Variants in SLITRK3 observed in about 807,000 individuals in gnomAD.
The protein encoded by SLITRK3 is SLIT and NTRK like family member 3.
A neutral mutation model predicts 63.6 loss-of-function variants in SLITRK3; 16 were observed. The ratio of observed to expected loss-of-function variants is 0.25; its 90% CI spans 0.17 to 0.38. The LOEUF (loss-of-function observed/expected upper bound fraction) is 0.38. Ranked by LOEUF, SLITRK3 falls within the 10% of genes least tolerant of loss-of-function variation. SLITRK3 has a pLI of 1.00. For missense variants in SLITRK3, 1,117 were observed against 1,181.4 expected (o/e 0.95, Z 0.80); for synonymous variants, 547 against 451.6 (o/e 1.21, Z -2.68).
In SLITRK3 at chr3:165,193,468, G is replaced by A. The variant is rs576233790; in HGVS notation, c.-22+2112C>T. ...TTCCCTGCAATGACGGGGATGGGGGGAAATCCAGGTCCCCAAAGCAGAAAA... is the reference window on the plus strand; with the variant it reads ...TTCCCTGCAATGACGGGGATGGGGGAAAATCCAGGTCCCCAAAGCAGAAAA... On this transcript the variant is annotated intron_variant, in intron 1 of 1. Transcript: ENST00000475390. 8.6e-5 allele frequency among the ~76,000 whole-genome samples: 13 copies of A among 151,950 alleles called. No homozygotes were observed. The South Asian group carries it at 1.9e-3, about 22-fold the overall frequency.
rs1717973863 is a variant in SLITRK3 at position 165,186,903 on chromosome 3, T to G, written c.*994A>C. On this transcript the variant is annotated 3_prime_UTR_variant, in exon 2 of 2. Transcript: ENST00000475390. Reference sequence around the variant, plus strand: ...AAAGTGCTTCCTACAAAGCTGTTAGTGATATATACCCAGTTGCTTTTTTTA... The same window carrying G: ...AAAGTGCTTCCTACAAAGCTGTTAGGGATATATACCCAGTTGCTTTTTTTA... 6.6e-6 allele frequency: 1 copy of G among 152,338 alleles called. No homozygotes were observed. Among genetic ancestry groups the G allele is most frequent in the Non-Finnish European group, 1.5e-5 (1 of 68,000 alleles). The allele number at this position is 152,338 out of a possible 1,614,324, so 9.4% of individuals were successfully genotyped here.
At chr3:165,194,603 C>A (rs1718352150) in intron 1 of SLITRK3, among the ~76,000 whole-genome samples, 1 of 152,062 alleles carries the variant, frequency 6.6e-6, no homozygotes. Flanking sequence ...TCCCCAGCTG[C>A]CGGCACCCGC....
chr3:165,190,035 G>A lies in SLITRK3; in HGVS notation c.796C>T (p.His266Tyr). 1 of 1,614,104 alleles carries A rather than the reference G, an allele frequency of 6.2e-7. No individual in the cohort carries two copies. The highest frequency in any genetic ancestry group is 2.2e-5 in the East Asian group (1 of 44,848). The part of the protein sequence containing the change: ...VGDITCETPF[H>Y]FHGKDLREIR... The stretch of plus-strand genomic sequence containing the variant: ...TCTCGTAGGTCCTTTCCATGGAAGT[G>A]GAAAGGGGTCTCACAGGTAATGTCT... Residue 266 changes from histidine (H) to tyrosine (Y), a missense_variant, in exon 2 of 2, where the codon CAC becomes TAC. His to Tyr is a moderately conservative substitution (Grantham distance 83, BLOSUM62 2). Around this residue, in one of 4 missense-constraint regions of SLITRK3, gnomAD observed 452 missense variants for 495.3 expected, o/e 0.91. Transcript: ENST00000475390.
Position 165,187,857 on chromosome 3 carries a change from T to C in SLITRK3, c.*40A>G. 1 of 1,494,138 alleles carries C rather than the reference T, an allele frequency of 6.7e-7. No homozygotes were observed. The allele number at this position is 1,494,138 out of a possible 1,614,324, so 92.6% of individuals were successfully genotyped here. A position where few individuals can be genotyped will look rare whatever the true frequency, so the allele number is the denominator to read the frequency against. On this transcript the variant is annotated 3_prime_UTR_variant, in exon 2 of 2. Transcript: ENST00000475390. Reference sequence around the variant, plus strand: ...TATATTTCTTTTATTTTCCTTTTCTTTTGAAAAAAAAAAAGCACTAATATA... The same window carrying C: ...TATATTTCTTTTATTTTCCTTTTCTCTTGAAAAAAAAAAAGCACTAATATA...
Position 165,188,622 on chromosome 3 carries a change from C to T in SLITRK3, c.2209G>A (p.Gly737Ser), listed in dbSNP as rs894110841. ...LSSPEKAPPVGHVYEYIPHPV... is the reference protein window; with the variant it reads ...LSSPEKAPPVSHVYEYIPHPV... ...TGGGGGATGTACTCATACACATGAC[C>T]CACGGGAGGGGCCTTCTCTGGAGAG... The change falls in exon 2 of 2, where the codon GGT (glycine) becomes AGT (serine). Residue 737 changes from glycine (G) to serine (S), a missense_variant. Physicochemically the swap from Gly to Ser is moderately conservative, Grantham distance 56 (BLOSUM62 0). Coordinates refer to ENST00000475390, the MANE Select transcript of SLITRK3 (RefSeq NM_001318810.2). The T allele has an allele frequency of 1.9e-6, 3 of 1,613,836 alleles. No homozygotes were observed. In the African/African-American group the frequency reaches 4.0e-5, roughly 22 times the overall value.
At chr3:165,191,274 G>A (rs55634118) in intron 1 of SLITRK3, among the ~76,000 whole-genome samples, 30,314 of 152,152 alleles carry the variant, frequency 0.2, 3,927 homozygotes, top group Non-Finnish European at 0.29. Context: ...AAATCTGATT[G>A]GAACTCTGAT....
rs753580321 is a variant in SLITRK3, at chr3:165,190,014, G to C, written c.817C>G (p.Arg273Gly). 6.2e-7 allele frequency: 1 copy of C among 1,614,082 alleles called. No homozygotes were observed. The highest frequency in any genetic ancestry group is 8.5e-7 in the Non-Finnish European group (1 of 1,180,024). Residue 273 changes from arginine to glycine, a missense_variant, in exon 2 of 2, where the codon CGA (arginine) becomes GGA (glycine). Arg to Gly is a moderately radical substitution (Grantham distance 125, BLOSUM62 -2). Around this residue, in one of 4 missense-constraint regions of SLITRK3, gnomAD observed 452 missense variants for 495.3 expected, o/e 0.91. Transcript: ENST00000475390. The part of the protein sequence containing the change: ...TPFHFHGKDL[R>G]EIRKTELCPL... ...CAGAGTTCTGTCTTCCTGATTTCTC[G>C]TAGGTCCTTTCCATGGAAGTGGAAA...
chr3:165,196,850 C>T (rs1462530387), upstream of SLITRK3: 9 of 138,942 alleles, frequency 6.5e-5, no homozygotes. Flanking sequence ...AAAATCCCGG[C>T]TTAGGAAGCA....
Position 165,190,351 on chromosome 3 carries a change from G to A in SLITRK3, c.480C>T (p.Val160=), listed in dbSNP as rs779182058. 22 of 1,613,978 alleles carry A rather than the reference G, an allele frequency of 1.4e-5. No homozygotes were observed. Among genetic ancestry groups the A allele is most frequent in the Non-Finnish European group, 1.8e-5 (21 of 1,180,026 alleles). The change falls in exon 2 of 2, where the codon GTC becomes GTT. Residue 160 remains valine, a synonymous_variant. Coordinates refer to ENST00000475390, the MANE Select transcript of SLITRK3 (RefSeq NM_001318810.2). ...SLEYLQADYN[V]IKRIESGAFR... ...ATGCCCCACTCTCAATACGTTTAAT[G>A]ACATTGTAATCTGCCTGCAGATATT...
Position 165,187,980 on chromosome 3 carries a change from T to A in SLITRK3, c.2851A>T (p.Ser951Cys), listed in dbSNP as rs575352486. The change falls in exon 2 of 2, where the codon AGT becomes TGT. Residue 951 changes from serine (S) to cysteine (C), a missense_variant. Ser to Cys is a moderately radical substitution (Grantham distance 112). This residue lies in a region of SLITRK3 where 499 missense variants were observed against 463.6 expected (regional missense o/e 1.08). Coordinates refer to ENST00000475390, the MANE Select transcript of SLITRK3 (RefSeq NM_001318810.2). ...TTGGCCCTTAACTCGAGGTAATCACTTTTTTGGGTTTGGTGGTCTGTGAAG... is the reference window on the plus strand; with the variant it reads ...TTGGCCCTTAACTCGAGGTAATCACATTTTTGGGTTTGGTGGTCTGTGAAG... Reference protein sequence around the residue: ...KGFTDHQTQKSDYLELRAKLQ... With the variant: ...KGFTDHQTQKCDYLELRAKLQ... The A allele has an allele frequency of 6.2e-7, 1 of 1,614,016 alleles. No homozygotes were observed. The highest frequency in any genetic ancestry group is 1.3e-5 in the African/African-American group (1 of 74,976).
upstream of SLITRK3, chr3:165,196,873 A>ATCTCTCTCTCTCTCTCTCTG (rs1718443112): frequency 4.1e-4 from 17 of 41,614 alleles, no homozygotes; most frequent in African/African-American, 8.3e-4. Flanking sequence ...GAAGCAAGTG[A>ATCTCTCTCTCTCTCTCTCTG]TCTCTCTCTC....
chr3:165,190,550 G>T lies in SLITRK3; in HGVS notation c.281C>A (p.Thr94Asn). The T allele has an allele frequency of 1.2e-6, 2 of 1,613,788 alleles. No individual in the cohort carries two copies. Among genetic ancestry groups the T allele is most frequent in the South Asian group, 1.1e-5 (1 of 91,068 alleles). ...LQRNSMRKLY[T>N]NSFLHLNNAV... ...ATTATTCAAATGAAGAAAACTGTTGGTATATAATTTCCTCATAGAATTCCT... is the reference window on the plus strand; with the variant it reads ...ATTATTCAAATGAAGAAAACTGTTGTTATATAATTTCCTCATAGAATTCCT... The change falls in exon 2 of 2, where the codon ACC becomes AAC. Residue 94 changes from threonine (T) to asparagine (N), a missense_variant. Physicochemically the swap from Thr to Asn is moderately conservative, Grantham distance 65 (BLOSUM62 0). Transcript: ENST00000475390.
At chr3:165,193,368 A>G (rs1253675956) in intron 1 of SLITRK3, among the ~76,000 whole-genome samples, 2 of 151,602 alleles carry the variant, frequency 1.3e-5, no homozygotes, top group African/African-American at 4.9e-5. Flanking sequence ...TTAGTTTCCA[A>G]AGCTCATCTC....
chr3:165,188,943 A>G lies in SLITRK3; in HGVS notation c.1888T>C (p.Ser630Pro), dbSNP rs1362705894. The change falls in exon 2 of 2, where the codon TCT becomes CCT. Residue 630 changes from serine to proline, a missense_variant. Physicochemically the swap from Ser to Pro is moderately conservative, Grantham distance 74. Transcript: ENST00000475390. The stretch of plus-strand genomic sequence containing the variant: ...CTGGTTGGTGCCCCAATAAGGTGAG[A>G]ATCTCCAGGCTGGGCTGGGGATTCT... ...AGESPAQPGDSHLIGAPTSAS... is the reference protein window; with the variant it reads ...AGESPAQPGDPHLIGAPTSAS... 6.2e-7 allele frequency: 1 copy of G among 1,614,018 alleles called. No homozygotes were observed. Among genetic ancestry groups the G allele is most frequent in the African/African-American group, 1.3e-5 (1 of 74,934 alleles).
intron 1 of SLITRK3, among the ~76,000 whole-genome samples, chr3:165,194,877 G>C (rs1423038288): frequency 1.3e-5 from 2 of 152,122 alleles, no homozygotes; most frequent in African/African-American, 4.8e-5. Flanking sequence ...AGGATAGCGC[G>C]TCTAAAGGAC....
chr3:165,191,370 A>C (rs1435874329), intron 1 of SLITRK3, among the ~76,000 whole-genome samples: 1 of 152,360 alleles, frequency 6.6e-6, no homozygotes, highest in Admixed American at 6.5e-5. Flanking sequence ...TTAGTGTGAT[A>C]AAGTATGAGC....
chr3:165,195,964 T>G lies in SLITRK3; in HGVS notation c.-406A>C, dbSNP rs1718402241. The G allele has an allele frequency of 6.6e-6, 1 of 152,508 alleles. No individual in the cohort carries two copies. 9.4% of individuals were successfully genotyped at this position (152,508 alleles called of 1,614,324 possible). On this transcript the variant is annotated 5_prime_UTR_variant, in exon 1 of 2. Transcript: ENST00000475390. ...TCGGTGCTCTGGATCAGTGGAGAGCTTCGTTGTTCCCGAGAGCCTGAGCTC... is the reference window on the plus strand; with the variant it reads ...TCGGTGCTCTGGATCAGTGGAGAGCGTCGTTGTTCCCGAGAGCCTGAGCTC...
Position 165,190,066 on chromosome 3 carries a change from C to T in SLITRK3, c.765G>A (p.Leu255=), listed in dbSNP as rs1560054370. The T allele has an allele frequency of 2.5e-6, 4 of 1,614,076 alleles. No homozygotes were observed. The highest frequency in any genetic ancestry group is 3.4e-6 in the Non-Finnish European group (4 of 1,180,014). Residue 255 remains leucine, a synonymous_variant, in exon 2 of 2, where the codon CTG becomes CTA. Coordinates refer to ENST00000475390, the MANE Select transcript of SLITRK3 (RefSeq NM_001318810.2). ...SWLERIPYTA[L]VGDITCETPF... ...GGGTCTCACAGGTAATGTCTCCCAC[C>T]AGGGCAGTATAAGGAATGCGTTCCA...
upstream of SLITRK3, chr3:165,196,926 T>C (rs1349927505): frequency 3.2e-5 from 1 of 31,112 alleles, no homozygotes; most frequent in African/African-American, 7.8e-5. Flanking sequence ...TCTCTCTCTC[T>C]CCTCTCTCTG....
Sources: allele counts gnomAD v4.1 joint callset (sites outside exome capture counted in the v4.1 genomes callset), GRCh38; gene constraint gnomAD v4.1.1; regional missense constraint gnomAD v4.1.1; transcripts MANE v1.5; gene names NCBI Gene and HGNC (gene_info 2026-07-23, HGNC 2026-07-21).